FAM151B: variants seen among roughly 807,000 people sequenced by gnomAD.
FAM151B encodes the protein protein FAM151B.
In FAM151B, 24 loss-of-function variants were observed where a neutral mutation model predicts 31.2. The observed-to-expected ratio is 0.77, with a 90% CI of 0.56 to 1.08. The LOEUF is 1.08. Among genes scored for constraint, FAM151B ranks in the 50% least tolerant of loss-of-function variants. FAM151B has a pLI of 0.00. For missense variants in FAM151B, 293 were observed against 328.6 expected, an observed-to-expected ratio of 0.89 and a Z score of 0.84; for synonymous variants, 105 against 111.4, an observed-to-expected ratio of 0.94 and a Z score of 0.36.
At chr5:80,508,064 A>G (rs1744043020) in intron 2 of FAM151B, among the ~76,000 whole-genome samples, 1 of 152,196 alleles carries the variant, frequency 6.6e-6, no homozygotes, top group Admixed American at 6.5e-5. Flanking sequence ...TTCTTCAATT[A>G]GTATGTTTTC....
intron 2 of FAM151B, among the ~76,000 whole-genome samples, chr5:80,510,112 T>C (rs560084107): frequency 6.6e-6 from 1 of 152,334 alleles, no homozygotes; most frequent in South Asian, 2.1e-4. Context: ...TGTAATAGAA[T>C]ACCCAAAAAT....
chr5:80,539,735 G>A (rs545940626), intron 5 of FAM151B, among the ~76,000 whole-genome samples: 33 of 150,486 alleles, frequency 2.2e-4, no homozygotes, highest in South Asian at 8.4e-4. Flanking sequence ...CAGGCAATCG[G>A]CCTGCCTCGG....
At chr5:80,522,951 T>TA (rs1284013992) in intron 5 of FAM151B, among the ~76,000 whole-genome samples, 3 of 152,114 alleles carry the variant, frequency 2.0e-5, no homozygotes, top group African/African-American at 7.2e-5. Flanking sequence ...TCATGGAACT[T>TA]AGTGTAGAAA....
At chr5:80,525,928 GTA>G (rs1744943154) in intron 5 of FAM151B, among the ~76,000 whole-genome samples, 1 of 151,652 alleles carries the variant, frequency 6.6e-6, no homozygotes, top group East Asian at 1.9e-4. Context: ...TAGATGACCT[GTA>G]TATACTAGGA....
intron 5 of FAM151B, among the ~76,000 whole-genome samples, chr5:80,530,440 C>A (rs1745181337): frequency 6.6e-6 from 1 of 152,122 alleles, no homozygotes; most frequent in African/African-American, 2.4e-5. Flanking sequence ...AAGAGGAAGT[C>A]AAATTGTCCC....
chr5:80,488,901 C>T (rs192318056), intron 1 of FAM151B, among the ~76,000 whole-genome samples: 1 of 151,794 alleles, frequency 6.6e-6, no homozygotes, highest in Non-Finnish European at 1.5e-5. Flanking sequence ...CATTATAGAA[C>T]ATTTATAAAG....
chr5:80,499,983 A>G (rs1399993085), intron 1 of FAM151B: 1 of 159,972 alleles, frequency 6.3e-6, no homozygotes, highest in Non-Finnish European at 1.4e-5. Context: ...TACAGTGGCC[A>G]AGGTATGGAA....
intron 2 of FAM151B, among the ~76,000 whole-genome samples, chr5:80,512,220 G>A (rs1744220782): frequency 6.6e-6 from 1 of 152,216 alleles, no homozygotes; most frequent in Non-Finnish European, 1.5e-5. Context: ...GTGACTATGT[G>A]TATGATGGCA....
At chr5:80,513,359 C>A (rs1454221880) in intron 2 of FAM151B, among the ~76,000 whole-genome samples, 1 of 152,154 alleles carries the variant, frequency 6.6e-6, no homozygotes, top group Non-Finnish European at 1.5e-5. Context: ...ATTTGTATGT[C>A]AACAGCTTAA....
chr5:80,506,948 G>A (rs1022432499), intron 2 of FAM151B, among the ~76,000 whole-genome samples: 4 of 151,798 alleles, frequency 2.6e-5, no homozygotes, highest in African/African-American at 4.8e-5. Context: ...GTGAACCTCC[G>A]TCTCTACTAA....
Position 80,500,470 on chromosome 5 carries a change from G to A in FAM151B, c.26-1322G>A, listed in dbSNP as rs776136028. ...AAAAGATGCTTTGAAAGGCAAGGAGGAAGCTTATCTGTGAAAAAGCAAAAC... is the reference window on the plus strand; with the variant it reads ...AAAAGATGCTTTGAAAGGCAAGGAGAAAGCTTATCTGTGAAAAAGCAAAAC... On this transcript the variant is annotated intron_variant, in intron 1 of 5. Coordinates refer to ENST00000282226, the MANE Select transcript of FAM151B (RefSeq NM_205548.3). 7.4e-4 allele frequency: 624 copies of A among 848,464 alleles called. 1 individual carries two copies. Among genetic ancestry groups the A allele is most frequent in the Middle Eastern group, 3.2e-3 (14 of 4,332 alleles). 52.6% of individuals were successfully genotyped at this position (848,464 alleles called of 1,614,324 possible). A position where few individuals can be genotyped will look rare whatever the true frequency, so the allele number is the denominator to read the frequency against.
chr5:80,507,173 T>G (rs1412121514), intron 2 of FAM151B, among the ~76,000 whole-genome samples: 1 of 151,374 alleles, frequency 6.6e-6, no homozygotes, highest in Non-Finnish European at 1.5e-5. Context: ...TCTCTTCCAC[T>G]GGGAAGCAGC....
chr5:80,498,283 A>G (rs248999), intron 1 of FAM151B, among the ~76,000 whole-genome samples: 133,504 of 152,146 alleles, frequency 0.88, 59,246 homozygotes, highest in Non-Finnish European at 0.94. Flanking sequence ...GTTTTCAGTG[A>G]GAGACTGCTT....
intron 5 of FAM151B, 67 bp from the exon 6 acceptor site, chr5:80,541,606 G>A: frequency 6.8e-7 from 1 of 1,468,254 alleles, no homozygotes; most frequent in Middle Eastern, 1.8e-4. Context: ...GCATTTTTAG[G>A]CTTATTGGAA....
chr5:80,541,485 G>A (rs940350961), intron 5 of FAM151B, among the ~76,000 whole-genome samples, 188 bp from the exon 6 acceptor site: 2 of 152,170 alleles, frequency 1.3e-5, no homozygotes, highest in Admixed American at 1.3e-4. Context: ...CAGTATGAAT[G>A]TTTTTTTGTC....
At chr5:80,494,456 T>TTTCTTTCTTTTCTTTTCTTTTCTTTC (rs753640131) in intron 1 of FAM151B, among the ~76,000 whole-genome samples, 1 of 82,688 alleles carries the variant, frequency 1.2e-5, no homozygotes, top group Admixed American at 1.3e-4. Flanking sequence ...TCTTTCTTTC[T>TTTCTTTCTTTTCTTTTCTTTTCTTTC]TTTCTTTCTT....
chr5:80,514,295 C>T (rs1213325110), intron 3 of FAM151B, among the ~76,000 whole-genome samples: 5 of 151,598 alleles, frequency 3.3e-5, no homozygotes, highest in African/African-American at 4.8e-5. Flanking sequence ...ACCAAAATGG[C>T]GAAACGCCAC....
chr5:80,507,435 C>T (rs1198979990), intron 2 of FAM151B, among the ~76,000 whole-genome samples: 1 of 152,042 alleles, frequency 6.6e-6, no homozygotes, highest in African/African-American at 2.4e-5. Flanking sequence ...AATCCCAGCA[C>T]TTTGGGAGGC....
rs890726622 is a variant in FAM151B, at chr5:80,490,049, C to CACACACACAT, written c.25+1904_25+1905insCACACATACA. Among the ~76,000 whole-genome samples the CACACACACAT allele has an allele frequency of 2.0e-5, 3 of 150,926 alleles. No homozygotes were observed. The Admixed American group carries it at 2.0e-4, about 10-fold the overall frequency. Reference sequence around the variant, plus strand: ...ACACACACACACACACACACACACACACATTCTCAACATAAAAAAGTTCAA... The same window carrying CACACACACAT: ...ACACACACACACACACACACACACACACACACACATACATTCTCAACATAAAAAAGTTCAA... On this transcript the variant is annotated intron_variant, in intron 1 of 5. Coordinates refer to ENST00000282226, the MANE Select transcript of FAM151B (RefSeq NM_205548.3).
Sources: allele counts gnomAD v4.1 joint callset (sites outside exome capture counted in the v4.1 genomes callset), GRCh38; gene constraint gnomAD v4.1.1; transcripts MANE v1.5; gene names NCBI Gene and HGNC (gene_info 2026-07-23, HGNC 2026-07-21).